MAGI2: variants seen among roughly 807,000 people sequenced by gnomAD.
MAGI2 encodes membrane associated guanylate kinase, WW and PDZ domain containing 2.
A neutral mutation model predicts 133.3 loss-of-function variants in MAGI2; 35 were observed. That is an observed-to-expected ratio of 0.26 (90% CI 0.20 to 0.35). The LOEUF (loss-of-function observed/expected upper bound fraction) is 0.35. MAGI2 is among the 10% of genes least tolerant of loss of function. The pLI, the probability that MAGI2 is intolerant of heterozygous loss-of-function variation, is 1.00. For synonymous variants in MAGI2, 729 were observed against 710.6 expected, an observed-to-expected ratio of 1.03 and a Z score of -0.41; for missense variants, 1,636 against 1,863.4, an observed-to-expected ratio of 0.88 and a Z score of 2.25.
intron 2 of MAGI2, among the ~76,000 whole-genome samples, chr7:78,966,399 A>C (rs1803308316): frequency 6.6e-6 from 1 of 152,092 alleles, no homozygotes; most frequent in Non-Finnish European, 1.5e-5. Flanking sequence ...TGCCTATTTA[A>C]GATATCTCAT....
chr7:79,422,431 A>G (rs987356042), intron 1 of MAGI2, among the ~76,000 whole-genome samples: 1 of 151,946 alleles, frequency 6.6e-6, no homozygotes, highest in Non-Finnish European at 1.5e-5. Context: ...TTTCCCCCAA[A>G]ATCCAGGTAC....
intron 2 of MAGI2, chr7:78,904,055 T>A (rs1176741845): frequency 6.6e-6 from 1 of 152,218 alleles, no homozygotes; most frequent in Non-Finnish European, 1.5e-5. Context: ...GGACAGCTGA[T>A]TCAAAGAAGT....
chr7:78,317,355 G>T (rs139078416), intron 9 of MAGI2, among the ~76,000 whole-genome samples: 4 of 152,296 alleles, frequency 2.6e-5, no homozygotes, highest in Non-Finnish European at 5.9e-5. Flanking sequence ...AATACCAACA[G>T]TGTACTGTTT....
Position 78,626,037 on chromosome 7 carries a change from G to GC in MAGI2, c.538+1082dup, listed in dbSNP as rs543089584. Among the ~76,000 whole-genome samples the GC allele has an allele frequency of 2.6e-5, 4 of 152,084 alleles. No individual in the cohort carries two copies. In the South Asian group the frequency reaches 8.3e-4, roughly 32 times the overall value. ...CTATAAATCAAGGAGAAAGTAGAGGGCCCAACTGTTAACGTGGCAAACCCA... is the reference window on the plus strand; with the variant it reads ...CTATAAATCAAGGAGAAAGTAGAGGGCCCCAACTGTTAACGTGGCAAACCCA... On this transcript the variant is annotated intron_variant, in intron 3 of 21. Transcript: ENST00000354212.
At chr7:78,763,213 T>G (rs746190474) in intron 2 of MAGI2, among the ~76,000 whole-genome samples, 2 of 152,190 alleles carry the variant, frequency 1.3e-5, no homozygotes, top group Non-Finnish European at 2.9e-5. Flanking sequence ...TCCTAAACTC[T>G]AATGAATCAA....
Position 78,205,153 on chromosome 7 carries a change from C to T in MAGI2, c.2048-3960G>A, listed in dbSNP as rs1829615729. ...AACACGATTTATTTTTTTCTTGAGA[C>T]AGGGTCTCACTTGGTCACCCCACGC... is the stretch of plus-strand genomic sequence containing the variant. On this transcript the variant is annotated intron_variant, in intron 10 of 21. Coordinates refer to ENST00000354212, the MANE Select transcript of MAGI2 (RefSeq NM_012301.4). 2.6e-5 allele frequency among the ~76,000 whole-genome samples: 4 copies of T among 152,132 alleles called. No individual in the cohort carries two copies. The South Asian group carries it at 8.3e-4, about 31-fold the overall frequency.
intron 21 of MAGI2, among the ~76,000 whole-genome samples, chr7:78,050,181 T>C (rs1482374058): frequency 6.6e-6 from 1 of 152,222 alleles, no homozygotes; most frequent in African/African-American, 2.4e-5. Flanking sequence ...CTATTACGTA[T>C]GTATTAAGTG....
chr7:79,160,407 T>G (rs1402205510), intron 1 of MAGI2, among the ~76,000 whole-genome samples: 1 of 151,998 alleles, frequency 6.6e-6, no homozygotes, highest in Non-Finnish European at 1.5e-5. Context: ...ATGAGGGAAG[T>G]GTAAAACCAA....
intron 1 of MAGI2, among the ~76,000 whole-genome samples, chr7:79,181,690 G>GA (rs1826637788): frequency 6.6e-6 from 1 of 151,950 alleles, no homozygotes; most frequent in African/African-American, 2.4e-5. Flanking sequence ...TTTCTCTTCA[G>GA]AAAATGGGAT....
chr7:79,336,108 T>C (rs1043278565), intron 1 of MAGI2, among the ~76,000 whole-genome samples: 2 of 152,118 alleles, frequency 1.3e-5, no homozygotes, highest in African/African-American at 2.4e-5. Context: ...ACAAAAATTG[T>C]TATAGCAATA....
At chr7:79,268,278 A>G (rs917762124) in intron 1 of MAGI2, among the ~76,000 whole-genome samples, 3 of 152,192 alleles carry the variant, frequency 2.0e-5, no homozygotes, top group African/African-American at 7.2e-5. Context: ...AATGTCTTGT[A>G]TGAAAATAAA....
At chr7:79,077,570 C>T (rs1383135947) in intron 1 of MAGI2, among the ~76,000 whole-genome samples, 1 of 61,640 alleles carries the variant, frequency 1.6e-5, no homozygotes, top group Non-Finnish European at 2.9e-5. Flanking sequence ...GCGAGACTGC[C>T]TCTCAAAAAA....
chr7:79,027,889 T>G (rs1323066592), intron 1 of MAGI2, among the ~76,000 whole-genome samples: 1 of 152,042 alleles, frequency 6.6e-6, no homozygotes, highest in Non-Finnish European at 1.5e-5. Context: ...GGCTACAAAC[T>G]TCATTGTAAA....
intron 21 of MAGI2, among the ~76,000 whole-genome samples, chr7:78,025,620 G>A (rs1348915400): frequency 6.6e-6 from 1 of 152,208 alleles, no homozygotes; most frequent in Non-Finnish European, 1.5e-5. Context: ...TTCATTTGAA[G>A]TATAATCTGT....
intron 3 of MAGI2, among the ~76,000 whole-genome samples, chr7:78,544,384 T>C (rs571510225): frequency 1.4e-3 from 209 of 152,298 alleles, no homozygotes; most frequent in Middle Eastern, 3.4e-3. Flanking sequence ...CTTTATAAAA[T>C]GGGTCTTTTT....
intron 2 of MAGI2, among the ~76,000 whole-genome samples, chr7:78,953,085 T>C (rs1223963178): frequency 6.6e-6 from 1 of 152,200 alleles, no homozygotes; most frequent in Non-Finnish European, 1.5e-5. Flanking sequence ...GAAGAACCTC[T>C]GGAGTAGCCT....
At chr7:78,528,537 A>G (rs766589674) in intron 3 of MAGI2, among the ~76,000 whole-genome samples, 1 of 152,232 alleles carries the variant, frequency 6.6e-6, no homozygotes, top group Non-Finnish European at 1.5e-5. Flanking sequence ...TTAGTAAATT[A>G]GAAATTTTGT....
chr7:78,628,562 GAAT>G (rs1245149995), intron 2 of MAGI2, among the ~76,000 whole-genome samples: 3 of 151,748 alleles, frequency 2.0e-5, no homozygotes, highest in African/African-American at 7.3e-5. Flanking sequence ...GGATAAAAAT[GAAT>G]AATTCCTATT....
intron 2 of MAGI2, among the ~76,000 whole-genome samples, chr7:78,724,411 C>T (rs1015937307): frequency 3.3e-5 from 5 of 152,052 alleles, no homozygotes; most frequent in Admixed American, 2.0e-4. Context: ...ATGATGGTAC[C>T]ATAGTTGTAG....
Sources: allele counts gnomAD v4.1 joint callset (sites outside exome capture counted in the v4.1 genomes callset), GRCh38; gene constraint gnomAD v4.1.1; transcripts MANE v1.5; gene names NCBI Gene and HGNC (gene_info 2026-07-23, HGNC 2026-07-21).